The following FSTL5 variants were observed in gnomAD, a reference collection of about 807,000 sequenced individuals.
FSTL5 encodes the protein follistatin like 5.
A neutral mutation model predicts 89.1 loss-of-function variants in FSTL5; 62 were observed. The observed-to-expected ratio is 0.70, with a 90% CI of 0.57 to 0.86. FSTL5 has a LOEUF of 0.86. FSTL5 is among the 40% of genes least tolerant of loss of function. The pLI is 0.00. For synonymous variants in FSTL5, 383 were observed against 346.2 expected (o/e 1.11, Z -1.18); for missense variants, 1,057 against 1,001.6 (o/e 1.06, Z -0.75).
intron 4 of FSTL5, among the ~76,000 whole-genome samples, chr4:161,825,969 T>C (rs904782432): frequency 6.6e-5 from 10 of 152,274 alleles, no homozygotes; most frequent in African/African-American, 1.9e-4. Flanking sequence ...GGTGTGGCTT[T>C]AGATTGTCTA....
At chr4:162,147,778 TGAGGTGGGTGGATCAAGAGGTCAGGA>T (rs1348792836) in intron 1 of FSTL5, among the ~76,000 whole-genome samples, 9 of 152,086 alleles carry the variant, frequency 5.9e-5, no homozygotes, top group Non-Finnish European at 1.0e-4. Context: ...TTTGGGTGGC[TGAGGTGGGTGGATCAAGAGGTCAGGA>T]GTTCGAGACC....
intron 11 of FSTL5, among the ~76,000 whole-genome samples, chr4:161,500,876 G>A (rs28498724): frequency 0.016 from 2,441 of 152,140 alleles, 66 homozygotes; most frequent in African/African-American, 0.055. Flanking sequence ...TGAAACCTGT[G>A]TAGGTTAATC....
At chr4:161,653,776 CTG>C (rs1297936639) in intron 7 of FSTL5, among the ~76,000 whole-genome samples, 2 of 152,052 alleles carry the variant, frequency 1.3e-5, no homozygotes, top group Non-Finnish European at 2.9e-5. Context: ...CATAATTTGA[CTG>C]TTGAAACTAT....
intron 6 of FSTL5, among the ~76,000 whole-genome samples, chr4:161,711,888 C>G (rs942023281): frequency 1.3e-5 from 2 of 152,128 alleles, no homozygotes; most frequent in Non-Finnish European, 2.9e-5. Flanking sequence ...ACACGACTAT[C>G]TCCGTAGATG....
chr4:161,938,637 A>T (rs1241229645), intron 3 of FSTL5, among the ~76,000 whole-genome samples: 1 of 152,076 alleles, frequency 6.6e-6, no homozygotes, highest in African/African-American at 2.4e-5. Context: ...TCCAAAGCTG[A>T]AAAATAATAA....
intron 15 of FSTL5, among the ~76,000 whole-genome samples, chr4:161,453,560 C>T (rs1037123916): frequency 1.1e-4 from 17 of 152,122 alleles, no homozygotes; most frequent in African/African-American, 4.1e-4. Context: ...TCTGTAGTTT[C>T]AATAATTTGT....
chr4:161,741,854 A>AT (rs1268756390), intron 6 of FSTL5, among the ~76,000 whole-genome samples: 2 of 152,002 alleles, frequency 1.3e-5, no homozygotes, highest in African/African-American at 2.4e-5. Flanking sequence ...CGCCAGGCTA[A>AT]TTTTTTGTAT....
chr4:161,824,250 A>G lies in FSTL5; in HGVS notation c.410-48176T>C, dbSNP rs574477847. Among the ~76,000 whole-genome samples, 11 of 152,204 alleles carry G rather than the reference A, an allele frequency of 7.2e-5. No individual in the cohort carries two copies. In the South Asian group the frequency reaches 2.1e-3, roughly 29 times the overall value. On this transcript the variant is annotated intron_variant, in intron 4 of 15. Transcript: ENST00000306100. ...CATGTAGCTTGCCAATTATCCCAGC[A>G]CCGTTTGTTGAATAGGGTTTCCTTT... is the stretch of plus-strand genomic sequence containing the variant.
intron 7 of FSTL5, among the ~76,000 whole-genome samples, chr4:161,638,450 C>T (rs1309410256): frequency 2.6e-5 from 4 of 152,112 alleles, no homozygotes; most frequent in African/African-American, 4.8e-5. Flanking sequence ...ATTGAATACC[C>T]TTTATTTCCT....
intron 4 of FSTL5, among the ~76,000 whole-genome samples, chr4:161,899,606 T>A (rs1030823152): frequency 6.6e-6 from 1 of 152,192 alleles, no homozygotes; most frequent in Non-Finnish European, 1.5e-5. Context: ...ATCTACTATG[T>A]GTCAGATATT....
At chr4:161,671,571 T>A (rs1376811404) in intron 6 of FSTL5, among the ~76,000 whole-genome samples, 1 of 152,168 alleles carries the variant, frequency 6.6e-6, no homozygotes, top group East Asian at 1.9e-4. Context: ...AAAAATATGA[T>A]CTGTTTATTT....
At chr4:161,958,171 G>C (rs1442426342) in intron 3 of FSTL5, among the ~76,000 whole-genome samples, 2 of 151,892 alleles carry the variant, frequency 1.3e-5, no homozygotes, top group Non-Finnish European at 2.9e-5. Flanking sequence ...AGTGGCAGAA[G>C]TTCATTTGCG....
intron 11 of FSTL5, among the ~76,000 whole-genome samples, chr4:161,505,585 C>G (rs900528311): frequency 2.6e-5 from 4 of 152,152 alleles, no homozygotes; most frequent in African/African-American, 9.7e-5. Context: ...TCATTATTAA[C>G]TTCACACACT....
intron 7 of FSTL5, among the ~76,000 whole-genome samples, chr4:161,606,603 C>T (rs540299757): frequency 6.6e-6 from 1 of 152,096 alleles, no homozygotes; most frequent in African/African-American, 2.4e-5. Context: ...GCTGAGATTT[C>T]TTTCTCAGTT....
chr4:161,940,281 C>T (rs1402478427), intron 3 of FSTL5, among the ~76,000 whole-genome samples: 1 of 151,522 alleles, frequency 6.6e-6, no homozygotes, highest in Non-Finnish European at 1.5e-5. Flanking sequence ...AATGAACAAG[C>T]CTTATGAGAT....
At chr4:161,394,261 G>C (rs912381918) in intron 15 of FSTL5, among the ~76,000 whole-genome samples, 1 of 151,890 alleles carries the variant, frequency 6.6e-6, no homozygotes, top group African/African-American at 2.4e-5. Flanking sequence ...TTAATTATAG[G>C]TAAAATACCC....
At chr4:162,092,595 G>A (rs1018169582) in intron 2 of FSTL5, among the ~76,000 whole-genome samples, 1 of 152,014 alleles carries the variant, frequency 6.6e-6, no homozygotes, top group Non-Finnish European at 1.5e-5. Context: ...AGTTTGATAA[G>A]TAGAATAAGT....
rs115535450 is a variant in FSTL5, at chr4:162,159,403, A to G, written c.-17+4212T>C. Among the ~76,000 whole-genome samples, 497 of 152,198 alleles carry G rather than the reference A, an allele frequency of 3.3e-3. 3 individuals are homozygous for G. Among genetic ancestry groups the G allele is most frequent in the African/African-American group, 0.01 (419 of 41,570 alleles). ...TTGCTTTGGAATTGTTACTTGTGCA[A>G]TGAACTAGTTATGAGTTGAAATAAT... On this transcript the variant is annotated intron_variant, in intron 1 of 15. Coordinates refer to ENST00000306100, the MANE Select transcript of FSTL5 (RefSeq NM_020116.5).
intron 4 of FSTL5, among the ~76,000 whole-genome samples, chr4:161,888,936 T>C (rs779681222): frequency 1.1e-4 from 16 of 152,118 alleles, no homozygotes; most frequent in Admixed American, 2.0e-4. Flanking sequence ...TTTTTAAGCA[T>C]TTCACAAAAC....
Sources: gnomAD v4.1 joint callset for allele counts (sites outside exome capture counted in the v4.1 genomes callset) on GRCh38, gnomAD v4.1.1 for gene constraint, MANE v1.5 for transcripts, NCBI Gene and HGNC (gene_info 2026-07-23, HGNC 2026-07-21) for gene names.